LRP11: variants seen among roughly 807,000 people sequenced by gnomAD.
The protein encoded by LRP11 is low-density lipoprotein receptor-related protein 11.
Under a neutral mutation model 43.1 loss-of-function variants are expected in LRP11, and 25 were observed. The ratio of observed to expected loss-of-function variants is 0.58; its 90% CI spans 0.42 to 0.81. The LOEUF (loss-of-function observed/expected upper bound fraction) is 0.81. Among genes scored for constraint, LRP11 ranks in the 30% least tolerant of loss-of-function variants. The pLI is 0.00. For synonymous variants in LRP11, 316 were observed against 299.4 expected (o/e 1.06, Z -0.57); for missense variants, 623 against 665.1 (o/e 0.94, Z 0.70).
In LRP11 at chr6:149,863,833, C is replaced by T. The variant is rs1260946265; in HGVS notation, c.188G>A (p.Arg63His). 6.6e-7 allele frequency: 1 copy of T among 1,511,050 alleles called. No individual in the cohort carries two copies. Among genetic ancestry groups the T allele is most frequent in the South Asian group, 1.2e-5 (1 of 81,142 alleles). The allele number at this position is 1,511,050 out of a possible 1,614,324, so 93.6% of individuals were successfully genotyped here. A position where few individuals can be genotyped will look rare whatever the true frequency, so the allele number is the denominator to read the frequency against. Reference sequence around the variant, plus strand: ...AGGCCGCTCCTGCTGCAGTTGCCGGCGGAACTCCTCCAGCAGCTGCTCCAC... The same window carrying T: ...AGGCCGCTCCTGCTGCAGTTGCCGGTGGAACTCCTCCAGCAGCTGCTCCAC... The part of the protein sequence containing the change: ...SGVEQLLEEF[R>H]RQLQQERPQE... The change falls in exon 1 of 7, where the codon CGC (arginine) becomes CAC (histidine). Residue 63 changes from arginine (R) to histidine (H), a missense_variant. Coordinates refer to ENST00000239367, the MANE Select transcript of LRP11 (RefSeq NM_032832.6).
chr6:149,863,474 T>C lies in LRP11; in HGVS notation c.547A>G (p.Ser183Gly). The stretch of plus-strand genomic sequence containing the variant: ...TCCGGCGCGCGGCTGAGGCTGTAGC[T>C]GCTGTAGCCGCTGTGCAGCGCGAAC... Reference protein sequence around the residue: ...CKFALHSGYSSYSLSRAPDGA... With the variant: ...CKFALHSGYSGYSLSRAPDGA... The change falls in exon 1 of 7, where the codon AGC (serine) becomes GGC (glycine). Residue 183 changes from serine to glycine, a missense_variant. By Grantham distance (56) the Ser-to-Gly change is moderately conservative. Transcript: ENST00000239367. 7.4e-7 allele frequency: 1 copy of C among 1,343,732 alleles called. No homozygotes were observed. Among genetic ancestry groups the C allele is most frequent in the South Asian group, 2.0e-5 (1 of 51,212 alleles). The allele number at this position is 1,343,732 out of a possible 1,614,324, so 83.2% of individuals were successfully genotyped here.
chr6:149,827,436 C>G lies in LRP11; in HGVS notation c.1253-1077G>C, dbSNP rs893587844. Among the ~76,000 whole-genome samples, 8 of 152,192 alleles carry G rather than the reference C, an allele frequency of 5.3e-5. No individual in the cohort carries two copies. The highest frequency in any genetic ancestry group is 8.8e-5 in the Non-Finnish European group (6 of 68,032). On this transcript the variant is annotated intron_variant, in intron 5 of 6. Coordinates refer to ENST00000239367, the MANE Select transcript of LRP11 (RefSeq NM_032832.6). The surrounding 1 kb of genome is among the most constrained non-coding windows in gnomAD (Gnocchi z 4.2). ...GTATATAAAATTCTTTGGTAACTTG[C>G]ATTTTGCAAATTTACTAAGTCACAA...
rs769685444 is a variant in LRP11, at chr6:149,827,232, G to A, written c.1253-873C>T. On this transcript the variant is annotated intron_variant, in intron 5 of 6. Transcript: ENST00000239367. The surrounding 1 kb of genome is among the most constrained non-coding windows in gnomAD (Gnocchi z 4.2). ...CTCCCAAAGTGCTGGGATGACAGGC[G>A]TGAGCCACCATGCCCAGCCTTAAGT... is the stretch of plus-strand genomic sequence containing the variant. Among the ~76,000 whole-genome samples the A allele has an allele frequency of 2.6e-5, 4 of 152,136 alleles. No homozygotes were observed. Among genetic ancestry groups the A allele is most frequent in the Non-Finnish European group, 5.9e-5 (4 of 68,038 alleles).
chr6:149,820,607 T>C lies in LRP11; in HGVS notation c.1445A>G (p.Lys482Arg). 1 of 780,986 alleles carries C rather than the reference T, an allele frequency of 1.3e-6. No individual in the cohort carries two copies. Among genetic ancestry groups the C allele is most frequent in the East Asian group, 2.4e-5 (1 of 41,240 alleles). The allele number at this position is 780,986 out of a possible 1,614,324, so 48.4% of individuals were successfully genotyped here. Reference sequence around the variant, plus strand: ...TTCCTCAGATGTAATGGGACGAGCTTTTTTCAGTTTCTGTTTCACCAGTCG... The same window carrying C: ...TTCCTCAGATGTAATGGGACGAGCTCTTTTCAGTTTCTGTTTCACCAGTCG... The part of the protein sequence containing the change: ...RLRLVKQKLK[K>R]ARPITSEESD... The change falls in exon 7 of 7, where the codon AAA becomes AGA. Residue 482 changes from lysine to arginine, a missense_variant. Lys to Arg is a conservative substitution (Grantham distance 26). Coordinates refer to ENST00000239367, the MANE Select transcript of LRP11 (RefSeq NM_032832.6).
At position 149,844,349 on chromosome 6, in the gene LRP11, C is replaced by CT. The variant is rs1339364638; in HGVS notation, c.772-1226dup. Among the ~76,000 whole-genome samples the CT allele has an allele frequency of 2.6e-5, 4 of 152,290 alleles. No homozygotes were observed. The South Asian group carries it at 6.2e-4, about 24-fold the overall frequency. ...TGAAAACCCCTGCTTCCTTGGCCTC[C>CT]TTTTCTATCCAAGTTCCCCCAGTCA... On this transcript the variant is annotated intron_variant, in intron 2 of 6. Coordinates refer to ENST00000239367, the MANE Select transcript of LRP11 (RefSeq NM_032832.6).
rs1776337945 is a variant in LRP11 at position 149,826,282 on chromosome 6, G to A, written c.1330C>T (p.His444Tyr). Reference protein sequence around the residue: ...ESKGDGGGGEHPAPETGAVLP... With the variant: ...ESKGDGGGGEYPAPETGAVLP... ...CATTTACCTGTTTCTGGGGCTGGGT[G>A]TTCCCCTCCTCCTCCATCACCCTTT... The change falls in exon 6 of 7, where the codon CAC (histidine) becomes TAC (tyrosine). Residue 444 changes from histidine to tyrosine, a missense_variant. Coordinates refer to ENST00000239367, the MANE Select transcript of LRP11 (RefSeq NM_032832.6). The A allele has an allele frequency of 6.2e-7, 1 of 1,613,442 alleles. No homozygotes were observed. Among genetic ancestry groups the A allele is most frequent in the African/African-American group, 1.3e-5 (1 of 75,006 alleles).
At chr6:149,821,586 T>C (rs977754557) in intron 6 of LRP11, among the ~76,000 whole-genome samples, 1 of 152,210 alleles carries the variant, frequency 6.6e-6, no homozygotes, top group Non-Finnish European at 1.5e-5. Context: ...TCCTGTGAGG[T>C]GGATTCTAGA....
At chr6:149,825,997 C>G (rs1776334170) in intron 6 of LRP11, 1 of 430,656 alleles carries the variant, frequency 2.3e-6, no homozygotes, top group South Asian at 3.3e-5. Flanking sequence ...CTTGTGTTCT[C>G]CCACCATGCC....
At position 149,863,413 on chromosome 6, in the gene LRP11, CG is replaced by C; in HGVS notation, c.607del (p.Arg203GlyfsTer27). 5 of 1,330,094 alleles carry C rather than the reference CG, an allele frequency of 3.8e-6. No individual in the cohort carries two copies. Among genetic ancestry groups the C allele is most frequent in the Non-Finnish European group, 4.8e-6 (5 of 1,048,362 alleles). The allele number at this position is 1,330,094 out of a possible 1,614,324, so 82.4% of individuals were successfully genotyped here. On this transcript the variant is annotated frameshift_variant, in exon 1 of 7. Transcript: ENST00000239367. LOFTEE classifies it high-confidence loss of function. ...CCCCTCAGTCGCGCGCTTACCCTGC[CG>C]GGGCGAGGCGCGCGCGGTGGCCAGG... is the stretch of plus-strand genomic sequence containing the variant. The part of the protein sequence containing the change: ...AALATARASP[R>X]QEKDAPPLSK...
Position 149,863,342 on chromosome 6 carries a change from A to C in LRP11, c.613+66T>G, listed in dbSNP as rs913808325. On this transcript the variant is annotated intron_variant, in intron 1 of 6. Transcript: ENST00000239367. ...TTGGCACGAGTGTGTTTCGCTTCCA[A>C]CTTGGCGAGGGCGCTGCGGGTCTCG... 4.1e-5 allele frequency: 53 copies of C among 1,295,544 alleles called. No homozygotes were observed. The Admixed American group carries it at 5.6e-4, about 14-fold the overall frequency. The allele number at this position is 1,295,544 out of a possible 1,614,324, so 80.3% of individuals were successfully genotyped here. A position where few individuals can be genotyped will look rare whatever the true frequency, so the allele number is the denominator to read the frequency against.
intron 1 of LRP11, among the ~76,000 whole-genome samples, chr6:149,854,267 T>G (rs1225065356): frequency 6.6e-6 from 1 of 152,058 alleles, no homozygotes. Flanking sequence ...ACTGCAGGTG[T>G]GTGCTAACCT....
Position 149,864,193 on chromosome 6 carries a change from C to A in LRP11, c.-173G>T. 8.9e-7 allele frequency: 1 copy of A among 1,122,822 alleles called. No individual in the cohort carries two copies. Among genetic ancestry groups the A allele is most frequent in the African/African-American group, 1.6e-5 (1 of 60,740 alleles). 69.6% of individuals were successfully genotyped at this position (1,122,822 alleles called of 1,614,324 possible). On this transcript the variant is annotated 5_prime_UTR_variant, in exon 1 of 7. Transcript: ENST00000239367. ...GCTGCTCCCCCGAGGTCGCGGGCGCCGGCGGGAACCGCAGTAGCGGGAGAC... is the reference window on the plus strand; with the variant it reads ...GCTGCTCCCCCGAGGTCGCGGGCGCAGGCGGGAACCGCAGTAGCGGGAGAC...
intron 3 of LRP11, among the ~76,000 whole-genome samples, chr6:149,841,949 A>C (rs1256735949): frequency 6.6e-6 from 1 of 152,230 alleles, no homozygotes; most frequent in Admixed American, 6.5e-5. Flanking sequence ...TAGAAAAGTA[A>C]GAAACATAGA....
At chr6:149,855,403 TGTA>T (rs1327582807) in intron 1 of LRP11, among the ~76,000 whole-genome samples, 1 of 152,118 alleles carries the variant, frequency 6.6e-6, no homozygotes, top group African/African-American at 2.4e-5. Context: ...CACTCCTGCT[TGTA>T]GGTGCACACT....
rs1480976012 is a variant in LRP11, at chr6:149,827,539, AG to A, written c.1253-1181del. Among the ~76,000 whole-genome samples, 1 of 152,228 alleles carries A rather than the reference AG, an allele frequency of 6.6e-6. No individual in the cohort carries two copies. Among genetic ancestry groups the A allele is most frequent in the East Asian group, 1.9e-4 (1 of 5,196 alleles). On this transcript the variant is annotated intron_variant, in intron 5 of 6. Coordinates refer to ENST00000239367, the MANE Select transcript of LRP11 (RefSeq NM_032832.6). The surrounding 1 kb of genome is among the most constrained non-coding windows in gnomAD (Gnocchi z 4.2). Reference sequence around the variant, plus strand: ...TCTACTGTGTCTTGTTACTCTAGAAAGTTCCATGTATGTTGGTCCTACATAC... The same window carrying A: ...TCTACTGTGTCTTGTTACTCTAGAAATTCCATGTATGTTGGTCCTACATAC...
chr6:149,836,531 G>A (rs1262208993), intron 4 of LRP11, among the ~76,000 whole-genome samples: 1 of 152,106 alleles, frequency 6.6e-6, no homozygotes, highest in Admixed American at 6.5e-5. Flanking sequence ...AAATGGACGG[G>A]GCCCAGCACG....
intron 1 of LRP11, among the ~76,000 whole-genome samples, chr6:149,855,139 C>T (rs1039700245): frequency 1.3e-5 from 2 of 152,216 alleles, no homozygotes; most frequent in African/African-American, 2.4e-5. Context: ...CCAGTTTCCA[C>T]TAACCCTTTC....
rs571234707 is a variant in LRP11, at chr6:149,851,895, C to A, written c.771+1108G>T. On this transcript the variant is annotated intron_variant, in intron 2 of 6. Coordinates refer to ENST00000239367, the MANE Select transcript of LRP11 (RefSeq NM_032832.6). ...GGCTGGGGAGGCCTCAGGAAACTTA[C>A]TAGTATAATCACCGCAGAAGGCAAA... Among the ~76,000 whole-genome samples, 10 of 152,274 alleles carry A rather than the reference C, an allele frequency of 6.6e-5. No individual in the cohort carries two copies. In the South Asian group the frequency reaches 1.9e-3, roughly 28 times the overall value.
At chr6:149,837,680 G>A (rs943573241) in intron 3 of LRP11, among the ~76,000 whole-genome samples, 6 of 152,260 alleles carry the variant, frequency 3.9e-5, no homozygotes, top group Middle Eastern at 3.4e-3. Flanking sequence ...AGGGGCTCTT[G>A]GTCTGAGGGC....
Sources: allele counts gnomAD v4.1 joint callset (sites outside exome capture counted in the v4.1 genomes callset), GRCh38; gene constraint gnomAD v4.1.1; non-coding constraint Gnocchi (gnomAD v3.1); transcripts MANE v1.5; gene names NCBI Gene and HGNC (gene_info 2026-07-23, HGNC 2026-07-21).